The following NDST4 variants were observed in gnomAD, a reference collection of about 807,000 sequenced individuals.
NDST4 encodes N-heparan sulfate sulfotransferase 4.
In NDST4, 63 loss-of-function variants were observed where a neutral mutation model predicts 100.8. The observed-to-expected ratio is 0.62, with a 90% confidence interval of 0.51 to 0.77. NDST4 has a LOEUF of 0.77. NDST4 is among the 30% of genes least tolerant of loss of function. NDST4 has a pLI of 0.00. For synonymous variants in NDST4, 377 were observed against 361.8 expected (o/e 1.04, Z -0.48); for missense variants, 943 against 1,018.4 (o/e 0.93, Z 1.01).
chr4:114,842,618 T>TAAGAAA (rs1723450878), intron 10 of NDST4: 1 of 38,874 alleles, frequency 2.6e-5, no homozygotes, highest in African/African-American at 1.0e-4. Flanking sequence ...CAGTCTCTAC[T>TAAGAAA]AAAAAAAAAA....
chr4:114,855,294 G>A (rs1215456518), intron 7 of NDST4, among the ~76,000 whole-genome samples: 3 of 152,050 alleles, frequency 2.0e-5, no homozygotes, highest in Non-Finnish European at 4.4e-5. Context: ...GATCCCATTT[G>A]CCCATTTTTG....
chr4:115,035,210 A>G (rs534484791), intron 2 of NDST4, among the ~76,000 whole-genome samples: 1 of 152,308 alleles, frequency 6.6e-6, no homozygotes, highest in Admixed American at 6.5e-5. Flanking sequence ...GGTCTATACC[A>G]TCAAAAGACT....
chr4:115,024,448 T>TC (rs532562388), intron 2 of NDST4, among the ~76,000 whole-genome samples: 138 of 152,224 alleles, frequency 9.1e-4, no homozygotes, highest in Non-Finnish European at 1.6e-3. Context: ...TGATTTTTTT[T>TC]CCCTGTTGGG....
In NDST4 at chr4:114,863,672, G is replaced by A. The variant is rs151264063; in HGVS notation, c.1719+7096C>T. ...TTGAAAAAGGAATTCAGTTAAAATT[G>A]CTTTAGGCAGTTTATGGCTACAGTG... On this transcript the variant is annotated intron_variant, in intron 7 of 13. Transcript: ENST00000264363. 4.2e-3 allele frequency among the ~76,000 whole-genome samples: 633 copies of A among 152,296 alleles called. 4 individuals are homozygous for A. The highest frequency in any genetic ancestry group is 6.7e-3 in the Non-Finnish European group (459 of 68,034).
At chr4:115,071,298 ACACACACAC>A (rs1729073562) in intron 2 of NDST4, among the ~76,000 whole-genome samples, 1 of 151,442 alleles carries the variant, frequency 6.6e-6, no homozygotes, top group Non-Finnish European at 1.5e-5. Flanking sequence ...ACACACACAC[ACACACACAC>A]ACACACACAC....
At chr4:114,840,661 A>C (rs1723405612) in intron 10 of NDST4, among the ~76,000 whole-genome samples, 1 of 152,202 alleles carries the variant, frequency 6.6e-6, no homozygotes, top group African/African-American at 2.4e-5. Flanking sequence ...ATCTAAGGTA[A>C]GTTTGAGCTA....
intron 1 of NDST4, among the ~76,000 whole-genome samples, chr4:115,109,387 A>G (rs1294653923): frequency 3.9e-5 from 6 of 151,946 alleles, no homozygotes; most frequent in African/African-American, 1.4e-4. Flanking sequence ...AAATAGAGAA[A>G]TTCCTCTAAT....
At chr4:115,067,919 G>T (rs1298152244) in intron 2 of NDST4, among the ~76,000 whole-genome samples, 3 of 104,324 alleles carry the variant, frequency 2.9e-5, no homozygotes, top group Admixed American at 1.5e-4. Context: ...ACAGGCCCCA[G>T]TGTGTGATGT....
At chr4:114,908,693 T>TA (rs1396907952) in intron 6 of NDST4, among the ~76,000 whole-genome samples, 1 of 152,164 alleles carries the variant, frequency 6.6e-6, no homozygotes, top group Non-Finnish European at 1.5e-5. Context: ...GAAAGGAGAC[T>TA]AAAAAATTGA....
intron 6 of NDST4, among the ~76,000 whole-genome samples, chr4:114,900,523 T>C (rs1423790878): frequency 6.6e-6 from 1 of 152,156 alleles, no homozygotes; most frequent in African/African-American, 2.4e-5. Context: ...ACTGTACCTT[T>C]TCTATGTTTA....
At chr4:114,910,120 G>A (rs956030199) in intron 6 of NDST4, among the ~76,000 whole-genome samples, 1 of 152,164 alleles carries the variant, frequency 6.6e-6, no homozygotes, top group African/African-American at 2.4e-5. Context: ...TGTGGACACT[G>A]AAGAGATATG....
intron 4 of NDST4, among the ~76,000 whole-genome samples, chr4:114,962,564 G>T (rs186830953): frequency 3.3e-5 from 5 of 151,904 alleles, no homozygotes; most frequent in Admixed American, 2.6e-4. Flanking sequence ...GTTTATAATA[G>T]CATCAAAAAG....
At chr4:114,885,498 T>C (rs1724459175) in intron 6 of NDST4, among the ~76,000 whole-genome samples, 1 of 152,094 alleles carries the variant, frequency 6.6e-6, no homozygotes, top group African/African-American at 2.4e-5. Context: ...AATTCAATGC[T>C]TTTTATAATA....
chr4:114,877,555 C>T (rs945038711), intron 6 of NDST4, among the ~76,000 whole-genome samples: 1 of 152,116 alleles, frequency 6.6e-6, no homozygotes, highest in Admixed American at 6.6e-5. Flanking sequence ...GAAATGTGTT[C>T]TATAAATAAA....
At chr4:114,890,945 C>T (rs560620527) in intron 6 of NDST4, among the ~76,000 whole-genome samples, 73 of 152,092 alleles carry the variant, frequency 4.8e-4, no homozygotes, top group Non-Finnish European at 8.4e-4. Context: ...CTTCAAATTG[C>T]TTCATGTTTT....
chr4:115,011,961 A>T (rs564031707), intron 2 of NDST4, among the ~76,000 whole-genome samples: 30 of 152,058 alleles, frequency 2.0e-4, no homozygotes, highest in African/African-American at 6.0e-4. Flanking sequence ...AATAGGATAC[A>T]TGAATGGCAA....
chr4:115,045,077 G>A (rs945343759), intron 2 of NDST4, among the ~76,000 whole-genome samples: 2 of 151,860 alleles, frequency 1.3e-5, no homozygotes, highest in African/African-American at 2.4e-5. Flanking sequence ...ATACAACTTG[G>A]GAATTCTACT....
intron 6 of NDST4, among the ~76,000 whole-genome samples, chr4:114,901,476 T>G (rs962388699): frequency 2.6e-5 from 4 of 152,076 alleles, no homozygotes; most frequent in African/African-American, 9.7e-5. Flanking sequence ...AGTGTTAGAA[T>G]GATTTATCTT....
chr4:114,867,665 C>CAAAAAAAAA, intron 7 of NDST4, among the ~76,000 whole-genome samples: 442 of 79,764 alleles, frequency 5.5e-3, no homozygotes, highest in East Asian at 0.011. Flanking sequence ...AAAAAAAAAG[C>CAAAAAAAAA]AAAAAAAAAA....
Sources: gnomAD v4.1 joint callset for allele counts (sites outside exome capture counted in the v4.1 genomes callset) on GRCh38, gnomAD v4.1.1 for gene constraint, MANE v1.5 for transcripts, NCBI Gene and HGNC (gene_info 2026-07-23, HGNC 2026-07-21) for gene names.